Variants in KLHL9 observed in about 807,000 individuals in gnomAD.
KLHL9 encodes kelch-like protein 9.
Under a neutral mutation model 42.3 loss-of-function variants are expected in KLHL9, and 27 were observed. That is an observed-to-expected ratio of 0.64 (90% CI 0.47 to 0.88). The LOEUF (loss-of-function observed/expected upper bound fraction) is 0.88, where lower values mean the gene tolerates loss of function less well. Ranked by LOEUF, KLHL9 falls within the 40% of genes least tolerant of loss-of-function variation. The pLI is 0.00. For synonymous variants in KLHL9, 274 were observed against 254.4 expected, an observed-to-expected ratio of 1.08 and a Z score of -0.73; for missense variants, 629 against 750.3, an observed-to-expected ratio of 0.84 and a Z score of 1.89.
chr9:21,335,125 C>G lies in KLHL9; in HGVS notation c.-266G>C, dbSNP rs913477313. 5.8e-5 allele frequency: 32 copies of G among 548,748 alleles called. No individual in the cohort carries two copies. The African/African-American group carries it at 5.9e-4, about 10-fold the overall frequency. 34.0% of individuals were successfully genotyped at this position (548,748 alleles called of 1,614,324 possible). On this transcript the variant is annotated 5_prime_UTR_variant, in exon 1 of 1. Transcript: ENST00000359039. ...AAGGCGGTTAAATGACCTGGTTCAC[C>G]TCGTCCGGCCTGCGCTGCCGCTCCT...
chr9:21,335,312 G>T lies in KLHL9; in HGVS notation c.-453C>A. The T allele has an allele frequency of 2.3e-6, 1 of 436,350 alleles. No individual in the cohort carries two copies. Among genetic ancestry groups the T allele is most frequent in the South Asian group, 8.3e-5 (1 of 12,082 alleles). 27.0% of individuals were successfully genotyped at this position (436,350 alleles called of 1,614,324 possible). Reference sequence around the variant, plus strand: ...CGGCCTGTCTTTGAGCAAGGGCCGGGAACACAGGCCTGGGCCTGGGCTTGG... The same window carrying T: ...CGGCCTGTCTTTGAGCAAGGGCCGGTAACACAGGCCTGGGCCTGGGCTTGG... On this transcript the variant is annotated 5_prime_UTR_variant, in exon 1 of 1. Coordinates refer to ENST00000359039, the MANE Select transcript of KLHL9 (RefSeq NM_018847.4).
chr9:21,329,815 G>T lies in KLHL9; in HGVS notation c.*3191C>A, dbSNP rs932456370. On this transcript the variant is annotated 3_prime_UTR_variant, in exon 1 of 1. Transcript: ENST00000359039. ...TAATAGAAATTATCTTCAACATGTG[G>T]AATCACTGATAAATTAGTTTGCTTT... 51 of 150,900 alleles carry T rather than the reference G, an allele frequency of 3.4e-4. 2 individuals are homozygous for T. The highest frequency in any genetic ancestry group is 3.0e-5 in the Non-Finnish European group (2 of 67,764). 9.3% of individuals were successfully genotyped at this position (150,900 alleles called of 1,614,324 possible). A position where few individuals can be genotyped will look rare whatever the true frequency, so the allele number is the denominator to read the frequency against.
Position 21,335,113 on chromosome 9 carries a change from G to C in KLHL9, c.-254C>G. 1.8e-6 allele frequency: 1 copy of C among 552,758 alleles called. No homozygotes were observed. Among genetic ancestry groups the C allele is most frequent in the Non-Finnish European group, 3.2e-6 (1 of 310,768 alleles). The allele number at this position is 552,758 out of a possible 1,614,324, so 34.2% of individuals were successfully genotyped here. A position where few individuals can be genotyped will look rare whatever the true frequency, so the allele number is the denominator to read the frequency against. ...ATTCATCACCTGAAGGCGGTTAAAT[G>C]ACCTGGTTCACCTCGTCCGGCCTGC... is the stretch of plus-strand genomic sequence containing the variant. On this transcript the variant is annotated 5_prime_UTR_variant, in exon 1 of 1. Transcript: ENST00000359039.
chr9:21,335,264 A>C lies in KLHL9; in HGVS notation c.-405T>G, dbSNP rs1586943728. On this transcript the variant is annotated 5_prime_UTR_variant, in exon 1 of 1. Transcript: ENST00000359039. ...AACGGCCCGCTGCGCCCTCCGCTGT[A>C]CCTAGAGTGTCGCAGCGGCCACCGG... 1 of 459,064 alleles carries C rather than the reference A, an allele frequency of 2.2e-6. No individual in the cohort carries two copies. The highest frequency in any genetic ancestry group is 6.1e-5 in the South Asian group (1 of 16,388). 28.4% of individuals were successfully genotyped at this position (459,064 alleles called of 1,614,324 possible).
chr9:21,334,391 C>T lies in KLHL9; in HGVS notation c.469G>A (p.Val157Ile), dbSNP rs752948384. ...TTGTAGGTGTTAGCAATTCGTCCAA[C>T]CTCAACACAGTTATCCAAAGAGACT... Reference protein sequence around the residue: ...SGVSLDNCVEVGRIANTYNLI... With the variant: ...SGVSLDNCVEIGRIANTYNLI... Residue 157 changes from valine (V) to isoleucine (I), a missense_variant, in exon 1 of 1, where the codon GTT becomes ATT. Val to Ile is a conservative substitution (Grantham distance 29). Around this residue, in one of 4 missense-constraint regions of KLHL9, gnomAD observed 351 missense variants for 363.1 expected, o/e 0.97. Coordinates refer to ENST00000359039, the MANE Select transcript of KLHL9 (RefSeq NM_018847.4). This position sits in a 1 kb window ranked among gnomAD's most constrained non-coding sequence, Gnocchi z 5.1. 1 of 1,613,946 alleles carries T rather than the reference C, an allele frequency of 6.2e-7. No homozygotes were observed.
At position 21,334,809 on chromosome 9, in the gene KLHL9, C is replaced by G. The variant is rs549815739; in HGVS notation, c.51G>C (p.Gln17His). Residue 17 changes from glutamine to histidine, a missense_variant, in exon 1 of 1, where the codon CAG (glutamine) becomes CAC (histidine). Physicochemically the swap from Gln to His is conservative, Grantham distance 24 (BLOSUM62 0). Around this residue, in one of 4 missense-constraint regions of KLHL9, gnomAD observed 351 missense variants for 363.1 expected, o/e 0.97. Coordinates refer to ENST00000359039, the MANE Select transcript of KLHL9 (RefSeq NM_018847.4). This position sits in a 1 kb window ranked among gnomAD's most constrained non-coding sequence, Gnocchi z 5.1. ...AGCGTGTGGTTCCTGCCTTACAAGGCTGCAAATGGGCAGAGACGCCCATTT... is the reference window on the plus strand; with the variant it reads ...AGCGTGTGGTTCCTGCCTTACAAGGGTGCAAATGGGCAGAGACGCCCATTT... Reference protein sequence around the residue: ...NGEMGVSAHLQPCKAGTTRFF... With the variant: ...NGEMGVSAHLHPCKAGTTRFF... The G allele has an allele frequency of 2.5e-6, 4 of 1,613,544 alleles. No individual in the cohort carries two copies. The South Asian group carries it at 4.4e-5, about 18-fold the overall frequency.
Position 21,331,439 on chromosome 9 carries a change from A to G in KLHL9, c.*1567T>C, listed in dbSNP as rs544488999. 14 of 152,590 alleles carry G rather than the reference A, an allele frequency of 9.2e-5. No homozygotes were observed. Among genetic ancestry groups the G allele is most frequent in the African/African-American group, 3.1e-4 (13 of 41,550 alleles). 9.5% of individuals were successfully genotyped at this position (152,590 alleles called of 1,614,324 possible). A position where few individuals can be genotyped will look rare whatever the true frequency, so the allele number is the denominator to read the frequency against. ...CCTGAGTTTTATTATGGGATTGTCA[A>G]TAAGGAGAAAGTTGTTCCTGATTTA... On this transcript the variant is annotated 3_prime_UTR_variant, in exon 1 of 1. Transcript: ENST00000359039.
rs140581276 is a variant in KLHL9, at chr9:21,334,681, T to C, written c.179A>G (p.Asp60Gly). ...CDVTLVPGDG[D>G]EIFPVHRAMM... is the part of the protein sequence containing the mutation. ...AGCTCTGTGAACAGGGAAGATTTCATCTCCATCACCTGGTACCAGGGTCAC... is the reference window on the plus strand; with the variant it reads ...AGCTCTGTGAACAGGGAAGATTTCACCTCCATCACCTGGTACCAGGGTCAC... The change falls in exon 1 of 1, where the codon GAT becomes GGT. Residue 60 changes from aspartate to glycine, a missense_variant. Transcript: ENST00000359039. The surrounding 1 kb of genome is among the most constrained non-coding windows in gnomAD (Gnocchi z 5.1). The C allele has an allele frequency of 9.7e-5, 156 of 1,614,050 alleles. No homozygotes were observed. The highest frequency in any genetic ancestry group is 1.2e-4 in the Non-Finnish European group (142 of 1,180,020).
In KLHL9 at chr9:21,332,889, C is replaced by G; in HGVS notation, c.*117G>C. 6.8e-7 allele frequency: 1 copy of G among 1,463,228 alleles called. No homozygotes were observed. Among genetic ancestry groups the G allele is most frequent in the Non-Finnish European group, 9.2e-7 (1 of 1,086,748 alleles). 90.6% of individuals were successfully genotyped at this position (1,463,228 alleles called of 1,614,324 possible). A position where few individuals can be genotyped will look rare whatever the true frequency, so the allele number is the denominator to read the frequency against. On this transcript the variant is annotated 3_prime_UTR_variant, in exon 1 of 1. Transcript: ENST00000359039. ...TAAACATACTAAAAGCCATACAAGA[C>G]GAATAACATCAGTTACCTTTATATC...
chr9:21,330,496 G>T lies in KLHL9; in HGVS notation c.*2510C>A. 6.6e-6 allele frequency: 1 copy of T among 152,318 alleles called. No individual in the cohort carries two copies. The highest frequency in any genetic ancestry group is 1.5e-5 in the Non-Finnish European group (1 of 68,064). The allele number at this position is 152,318 out of a possible 1,614,324, so 9.4% of individuals were successfully genotyped here. A position where few individuals can be genotyped will look rare whatever the true frequency, so the allele number is the denominator to read the frequency against. Reference sequence around the variant, plus strand: ...GAGAACTGTCAACTGCAGAATACGGGAAAGTAAAAAAATGAGAGGCAGGGT... The same window carrying T: ...GAGAACTGTCAACTGCAGAATACGGTAAAGTAAAAAAATGAGAGGCAGGGT... On this transcript the variant is annotated 3_prime_UTR_variant, in exon 1 of 1. Coordinates refer to ENST00000359039, the MANE Select transcript of KLHL9 (RefSeq NM_018847.4).
chr9:21,333,332 C>T lies in KLHL9; in HGVS notation c.1528G>A (p.Asp510Asn). Reference protein sequence around the residue: ...GNHFRGTSDYDDVLSCEYYSP... With the variant: ...GNHFRGTSDYNDVLSCEYYSP... ...TAGTATTCACAGCTTAGAACATCAT[C>T]ATAATCACTTGTTCCTCTGAAGTGA... Residue 510 changes from aspartate to asparagine, a missense_variant, in exon 1 of 1, where the codon GAT becomes AAT. This residue lies in a region of KLHL9 where 214 missense variants were observed against 305.8 expected (regional missense o/e 0.70). Coordinates refer to ENST00000359039, the MANE Select transcript of KLHL9 (RefSeq NM_018847.4). The surrounding 1 kb of genome is among the most constrained non-coding windows in gnomAD (Gnocchi z 7.5). The T allele has an allele frequency of 6.2e-7, 1 of 1,614,232 alleles. No homozygotes were observed. The highest frequency in any genetic ancestry group is 1.3e-5 in the African/African-American group (1 of 75,056).
In KLHL9 at chr9:21,334,701, G is replaced by C. The variant is rs1157170212; in HGVS notation, c.159C>G (p.Thr53=). 1.2e-5 allele frequency: 20 copies of C among 1,613,894 alleles called. No homozygotes were observed. The highest frequency in any genetic ancestry group is 3.3e-5 in the South Asian group (3 of 91,072). ...TTTCATCTCCATCACCTGGTACCAG[G>C]GTCACATCACAAAGCAATCCTTCTA... is the stretch of plus-strand genomic sequence containing the variant. ...LRIEGLLCDV[T]LVPGDGDEIF... is the part of the protein sequence containing the mutation. The change falls in exon 1 of 1, where the codon ACC becomes ACG. Residue 53 remains threonine, a synonymous_variant. Coordinates refer to ENST00000359039, the MANE Select transcript of KLHL9 (RefSeq NM_018847.4). This position sits in a 1 kb window ranked among gnomAD's most constrained non-coding sequence, Gnocchi z 5.1.
rs1820153417 is a variant in KLHL9, at chr9:21,330,715, A to G, written c.*2291T>C. 1 of 152,194 alleles carries G rather than the reference A, an allele frequency of 6.6e-6. No homozygotes were observed. Among genetic ancestry groups the G allele is most frequent in the Non-Finnish European group, 1.5e-5 (1 of 68,036 alleles). 9.4% of individuals were successfully genotyped at this position (152,194 alleles called of 1,614,324 possible). On this transcript the variant is annotated 3_prime_UTR_variant, in exon 1 of 1. Coordinates refer to ENST00000359039, the MANE Select transcript of KLHL9 (RefSeq NM_018847.4). Reference sequence around the variant, plus strand: ...GTCAGAATAAGCACTGAAATACTACATAAAAAATAAACCATATCAAAATTA... The same window carrying G: ...GTCAGAATAAGCACTGAAATACTACGTAAAAAATAAACCATATCAAAATTA...
rs145481658 is a variant in KLHL9, at chr9:21,331,908, G to A, written c.*1098C>T. The A allele has an allele frequency of 6.5e-6, 1 of 152,702 alleles. No individual in the cohort carries two copies. The highest frequency in any genetic ancestry group is 1.5e-5 in the Non-Finnish European group (1 of 68,034). The allele number at this position is 152,702 out of a possible 1,614,324, so 9.5% of individuals were successfully genotyped here. A position where few individuals can be genotyped will look rare whatever the true frequency, so the allele number is the denominator to read the frequency against. ...ATGCACATGGACTGGAACAGCACCA[G>A]GGCAAGCACCCCAAATCACAAAATA... is the stretch of plus-strand genomic sequence containing the variant. On this transcript the variant is annotated 3_prime_UTR_variant, in exon 1 of 1. Coordinates refer to ENST00000359039, the MANE Select transcript of KLHL9 (RefSeq NM_018847.4).
rs1055344398 is a variant in KLHL9, at chr9:21,330,041, C to T, written c.*2965G>A. ...GAAAATAAATCTCTTTCCATTTAAT[C>T]ATTTCAACCACCTAAAATTTCTCTC... On this transcript the variant is annotated 3_prime_UTR_variant, in exon 1 of 1. Transcript: ENST00000359039. 1 of 152,148 alleles carries T rather than the reference C, an allele frequency of 6.6e-6. No individual in the cohort carries two copies. Among genetic ancestry groups the T allele is most frequent in the Non-Finnish European group, 1.5e-5 (1 of 68,012 alleles). 9.4% of individuals were successfully genotyped at this position (152,148 alleles called of 1,614,324 possible). A position where few individuals can be genotyped will look rare whatever the true frequency, so the allele number is the denominator to read the frequency against.
At position 21,334,804 on chromosome 9, in the gene KLHL9, C is replaced by G; in HGVS notation, c.56G>C (p.Cys19Ser). ...AAAAAAGCGTGTGGTTCCTGCCTTA[C>G]AAGGCTGCAAATGGGCAGAGACGCC... ...EMGVSAHLQP[C>S]KAGTTRFFTS... Residue 19 changes from cysteine to serine, a missense_variant, in exon 1 of 1, where the codon TGT becomes TCT. By Grantham distance (112) the Cys-to-Ser change is moderately radical. Around this residue, in one of 4 missense-constraint regions of KLHL9, gnomAD observed 351 missense variants for 363.1 expected, o/e 0.97. Transcript: ENST00000359039. This position sits in a 1 kb window ranked among gnomAD's most constrained non-coding sequence, Gnocchi z 5.1. 1 of 1,613,350 alleles carries G rather than the reference C, an allele frequency of 6.2e-7. No individual in the cohort carries two copies. The highest frequency in any genetic ancestry group is 1.1e-5 in the South Asian group (1 of 90,988).
At position 21,331,521 on chromosome 9, in the gene KLHL9, A is replaced by AT. The variant is rs563227564; in HGVS notation, c.*1484_*1485insA. The AT allele has an allele frequency of 3.6e-3, 547 of 151,942 alleles. 2 individuals are homozygous for AT. The highest frequency in any genetic ancestry group is 0.013 in the African/African-American group (523 of 41,370). 9.4% of individuals were successfully genotyped at this position (151,942 alleles called of 1,614,324 possible). The stretch of plus-strand genomic sequence containing the variant: ...GTGTGTGTGTATTACACACACACAC[A>AT]ATGTATATATAAATTTTTTTTCTTC... On this transcript the variant is annotated 3_prime_UTR_variant, in exon 1 of 1. Transcript: ENST00000359039.
chr9:21,332,779 TC>T lies in KLHL9; in HGVS notation c.*226del, dbSNP rs1312938043. ...TTTTATATAACATCACAAAAAGACA[TC>T]TAAACATTTTTCTACGTCTTTTTTT... On this transcript the variant is annotated 3_prime_UTR_variant, in exon 1 of 1. Transcript: ENST00000359039. 3.4e-6 allele frequency: 2 copies of T among 583,430 alleles called. No individual in the cohort carries two copies. Among genetic ancestry groups the T allele is most frequent in the Admixed American group, 3.6e-5 (1 of 27,802 alleles). 36.1% of individuals were successfully genotyped at this position (583,430 alleles called of 1,614,324 possible). A position where few individuals can be genotyped will look rare whatever the true frequency, so the allele number is the denominator to read the frequency against.
chr9:21,334,900 A>C lies in KLHL9; in HGVS notation c.-41T>G. On this transcript the variant is annotated 5_prime_UTR_variant, in exon 1 of 1. Coordinates refer to ENST00000359039, the MANE Select transcript of KLHL9 (RefSeq NM_018847.4). This position sits in a 1 kb window ranked among gnomAD's most constrained non-coding sequence, Gnocchi z 5.1. ...TTGCACAGAGATGCAAGCCGGATAAAGAAGTTATAACCGGAATGTTTTACA... is the reference window on the plus strand; with the variant it reads ...TTGCACAGAGATGCAAGCCGGATAACGAAGTTATAACCGGAATGTTTTACA... 6.2e-7 allele frequency: 1 copy of C among 1,612,522 alleles called. No individual in the cohort carries two copies. The highest frequency in any genetic ancestry group is 8.5e-7 in the Non-Finnish European group (1 of 1,179,640).
Sources: gnomAD v4.1 joint callset for allele counts on GRCh38, gnomAD v4.1.1 for gene constraint, gnomAD v4.1.1 regional missense constraint, Gnocchi (gnomAD v3.1) non-coding constraint, MANE v1.5 for transcripts, NCBI Gene and HGNC (gene_info 2026-07-23, HGNC 2026-07-21) for gene names.